The following STK32B variants were observed in gnomAD, a reference collection of about 807,000 sequenced individuals.
STK32B encodes the protein serine/threonine kinase 32B, also known as serine/threonine-protein kinase 32B.
A neutral mutation model predicts 52.6 loss-of-function variants in STK32B; 43 were observed. The ratio of observed to expected loss-of-function variants is 0.82; its 90% CI spans 0.64 to 1.05. The LOEUF is 1.05. Among genes scored for constraint, STK32B ranks in the 50% least tolerant of loss-of-function variants. The pLI, the probability that STK32B is intolerant of heterozygous loss-of-function variation, is 0.00. For synonymous variants in STK32B, 238 were observed against 204.3 expected (o/e 1.17, Z -1.41); for missense variants, 621 against 534.6 (o/e 1.16, Z -1.59).
At chr4:5,105,988 T>A (rs1714086147) in intron 1 of STK32B, among the ~76,000 whole-genome samples, 1 of 152,110 alleles carries the variant, frequency 6.6e-6, no homozygotes, top group Non-Finnish European at 1.5e-5. Context: ...TTGCCCATAA[T>A]GTTGAGTAGC....
chr4:5,051,069 G>A (rs927892425), upstream of STK32B, among the ~76,000 whole-genome samples: 1 of 152,136 alleles, frequency 6.6e-6, no homozygotes, highest in Non-Finnish European at 1.5e-5. Context: ...GAGGAACAGC[G>A]TCGGTTGGAG....
At chr4:5,316,992 T>A (rs1269005441) in intron 3 of STK32B, among the ~76,000 whole-genome samples, 1 of 33,052 alleles carries the variant, frequency 3.0e-5, no homozygotes, top group Non-Finnish European at 4.3e-5. Context: ...ATAATATATA[T>A]GATATAATAT....
intron 3 of STK32B, among the ~76,000 whole-genome samples, chr4:5,293,312 A>T (rs1437972893): frequency 6.6e-6 from 1 of 151,934 alleles, no homozygotes. Flanking sequence ...CCCAGTAATG[A>T]CATTACTGGG....
intron 2 of STK32B, among the ~76,000 whole-genome samples, chr4:5,144,212 G>T (rs181214919): frequency 6.6e-6 from 1 of 152,110 alleles, no homozygotes; most frequent in African/African-American, 2.4e-5. Context: ...GACAAACAAG[G>T]ATTCAAATGC....
chr4:5,132,952 C>T (rs1358499058), intron 1 of STK32B, among the ~76,000 whole-genome samples: 1 of 152,140 alleles, frequency 6.6e-6, no homozygotes, highest in Non-Finnish European at 1.5e-5. Context: ...GCATGCACCA[C>T]CACTCCTGGC....
rs562891514 is a variant in STK32B at position 5,395,870 on chromosome 4, T to C, written c.435-2337T>C. Reference sequence around the variant, plus strand: ...AAACAGAACAGCCCCTTTCCTTGGCTCTGTGGGGTCTAGGGACCAAGGTGG... The same window carrying C: ...AAACAGAACAGCCCCTTTCCTTGGCCCTGTGGGGTCTAGGGACCAAGGTGG... On this transcript the variant is annotated intron_variant, in intron 4 of 11. Transcript: ENST00000282908. This position sits in a 1 kb window ranked among gnomAD's most constrained non-coding sequence, Gnocchi z 4.4. Among the ~76,000 whole-genome samples, 3 of 152,346 alleles carry C rather than the reference T, an allele frequency of 2.0e-5. No individual in the cohort carries two copies. In the South Asian group the frequency reaches 6.2e-4, roughly 32 times the overall value.
At chr4:5,138,835 G>A (rs1186067714) in intron 1 of STK32B, among the ~76,000 whole-genome samples, 3 of 152,216 alleles carry the variant, frequency 2.0e-5, no homozygotes, top group South Asian at 4.1e-4. Context: ...GAGCACTCAA[G>A]GCCTGGGAGT....
chr4:5,022,146 G>A, the STK32B span, among the ~76,000 whole-genome samples: 11 of 152,118 alleles, frequency 7.2e-5, no homozygotes, highest in African/African-American at 1.7e-4. Flanking sequence ...GGGTTCCTCC[G>A]CATCCTATGC....
chr4:5,089,551 G>T lies in STK32B; in HGVS notation c.52+37636G>T, dbSNP rs144055914. Among the ~76,000 whole-genome samples, 1,111 of 152,270 alleles carry T rather than the reference G, an allele frequency of 7.3e-3. 11 individuals are homozygous for T. The highest frequency in any genetic ancestry group is 8.5e-3 in the Non-Finnish European group (577 of 68,020). On this transcript the variant is annotated intron_variant, in intron 1 of 11. Coordinates refer to ENST00000282908, the MANE Select transcript of STK32B (RefSeq NM_018401.3). Reference sequence around the variant, plus strand: ...TTATGTCTGCCTAGTATTTCATGGTGTATATGTGCCACATTTTCTTTATCC... The same window carrying T: ...TTATGTCTGCCTAGTATTTCATGGTTTATATGTGCCACATTTTCTTTATCC...
rs563447361 is a variant in STK32B, at chr4:5,400,045, G to A, written c.472+1801G>A. ...GGGAGACTTCCTGGCCCTGCAAAGC[G>A]GTCCAGAAGCAAAATTCAGACAGAA... On this transcript the variant is annotated intron_variant, in intron 5 of 11. Coordinates refer to ENST00000282908, the MANE Select transcript of STK32B (RefSeq NM_018401.3). This position sits in a 1 kb window ranked among gnomAD's most constrained non-coding sequence, Gnocchi z 6.1. Among the ~76,000 whole-genome samples, 15 of 152,260 alleles carry A rather than the reference G, an allele frequency of 9.9e-5. No individual in the cohort carries two copies. The highest frequency in any genetic ancestry group is 1.9e-4 in the East Asian group (1 of 5,176).
At chr4:5,149,997 T>C (rs1717213542) in intron 2 of STK32B, among the ~76,000 whole-genome samples, 1 of 152,026 alleles carries the variant, frequency 6.6e-6, no homozygotes, top group South Asian at 2.1e-4. Context: ...GGATACAGAT[T>C]TTTAGGTTGA....
At chr4:5,366,387 A>G (rs1356454544) in intron 4 of STK32B, among the ~76,000 whole-genome samples, 2 of 152,246 alleles carry the variant, frequency 1.3e-5, no homozygotes, top group Admixed American at 6.5e-5. Context: ...TGGAATATTT[A>G]TGAAGTAAAG....
intron 3 of STK32B, among the ~76,000 whole-genome samples, chr4:5,205,445 A>G (rs1722490436): frequency 6.6e-6 from 1 of 152,110 alleles, no homozygotes; most frequent in Non-Finnish European, 1.5e-5. Flanking sequence ...CTCTCCAAAG[A>G]CAAGGCAAGG....
intron 3 of STK32B, among the ~76,000 whole-genome samples, chr4:5,189,522 C>T (rs1213201672): frequency 6.6e-6 from 1 of 152,174 alleles, no homozygotes; most frequent in Non-Finnish European, 1.5e-5. Flanking sequence ...ATTCCATTAT[C>T]TGTACATGCT....
intron 6 of STK32B, among the ~76,000 whole-genome samples, chr4:5,424,785 A>T (rs1481143218): frequency 1.2e-5 from 1 of 83,840 alleles, no homozygotes; most frequent in Non-Finnish European, 2.9e-5. Flanking sequence ...AACAGGGCTG[A>T]AATATGCCCC....
the STK32B span, among the ~76,000 whole-genome samples, chr4:5,040,670 G>T: frequency 6.6e-6 from 1 of 152,138 alleles, no homozygotes; most frequent in Non-Finnish European, 1.5e-5. Context: ...GGGATTACAG[G>T]TGCCACTGCG....
At chr4:5,326,482 C>G (rs1731880728) in intron 3 of STK32B, among the ~76,000 whole-genome samples, 1 of 152,198 alleles carries the variant, frequency 6.6e-6, no homozygotes, top group Non-Finnish European at 1.5e-5. Flanking sequence ...GTGCCTCTTT[C>G]TGCATTTAGC....
intron 6 of STK32B, among the ~76,000 whole-genome samples, chr4:5,424,594 T>C (rs536011704): frequency 2.2e-4 from 33 of 152,188 alleles, no homozygotes; most frequent in Non-Finnish European, 3.7e-4. Flanking sequence ...AACAGACATC[T>C]GCACAATCTG....
chr4:5,323,532 A>G (rs1731663903), intron 3 of STK32B, among the ~76,000 whole-genome samples: 1 of 152,168 alleles, frequency 6.6e-6, no homozygotes, highest in African/African-American at 2.4e-5. Flanking sequence ...TGTGACAAGA[A>G]GAGGCCAGAG....
Sources: gnomAD v4.1 joint callset for allele counts (sites outside exome capture counted in the v4.1 genomes callset) on GRCh38, gnomAD v4.1.1 for gene constraint, Gnocchi (gnomAD v3.1) non-coding constraint, MANE v1.5 for transcripts, NCBI Gene and HGNC (gene_info 2026-07-23, HGNC 2026-07-21) for gene names.